HDX: variants seen among roughly 807,000 people sequenced by gnomAD.
HDX encodes the protein chromosome X open reading frame 43.
In HDX, 19 loss-of-function variants were observed where a neutral mutation model predicts 45.2. That is an observed-to-expected ratio of 0.42 (90% CI 0.29 to 0.62). HDX has a LOEUF of 0.62. HDX is among the 20% of genes least tolerant of loss of function. HDX has a pLI of 0.20. For missense variants in HDX, 532 were observed against 493.9 expected (o/e 1.08, Z -0.73); for synonymous variants, 188 against 172.8 (o/e 1.09, Z -0.69).
intron 5 of HDX, among the ~76,000 whole-genome samples, chrX:84,424,429 T>C (rs1307154437): frequency 1.9e-5 from 2 of 107,105 alleles, no homozygotes; most frequent in East Asian, 3.2e-4. Flanking sequence ...AAAATACCAA[T>C]GACATTCCTC....
At chrX:84,477,255 A>C (rs769631245) in intron 2 of HDX, among the ~76,000 whole-genome samples, 108 of 111,612 alleles carry the variant, frequency 9.7e-4, no homozygotes, top group Non-Finnish European at 8.8e-4. Flanking sequence ...TTAATGTACA[A>C]TCAGAGCTCT....
At chrX:84,371,748 T>A (rs961925171) in intron 5 of HDX, among the ~76,000 whole-genome samples, 24 of 111,740 alleles carry the variant, frequency 2.1e-4, no homozygotes, top group Non-Finnish European at 3.0e-4. Flanking sequence ...CATTTGATGC[T>A]TATTGCCTAT....
At chrX:84,496,704 C>T (rs1309061801) in intron 1 of HDX, among the ~76,000 whole-genome samples, 1 of 111,969 alleles carries the variant, frequency 8.9e-6, no homozygotes, top group Non-Finnish European at 1.9e-5. Context: ...TGACTCATTA[C>T]TTTATTAACT....
At chrX:84,415,479 T>G (rs1212855308) in intron 5 of HDX, among the ~76,000 whole-genome samples, 1 of 111,733 alleles carries the variant, frequency 8.9e-6, no homozygotes, top group South Asian at 3.8e-4. Flanking sequence ...AGAGGTACCA[T>G]AATTAGGGAG....
chrX:84,489,172 T>C (rs1036725595), intron 1 of HDX, among the ~76,000 whole-genome samples: 3 of 111,530 alleles, frequency 2.7e-5, no homozygotes, highest in East Asian at 2.8e-4. Flanking sequence ...GGATTACTAC[T>C]GTGCCCTTTT....
At chrX:84,435,477 G>T (rs1337495833) in intron 5 of HDX, among the ~76,000 whole-genome samples, 2 of 110,278 alleles carry the variant, frequency 1.8e-5, no homozygotes, top group Non-Finnish European at 3.8e-5. Flanking sequence ...TGTCAGATGA[G>T]TAGGTTGCGA....
At chrX:84,327,633 T>C (rs1027506917) in intron 9 of HDX, among the ~76,000 whole-genome samples, 7 of 110,993 alleles carry the variant, frequency 6.3e-5, no homozygotes, top group African/African-American at 9.8e-5. Context: ...ATAGACAAAG[T>C]GTAACAAGAC....
intron 5 of HDX, among the ~76,000 whole-genome samples, chrX:84,406,499 CAT>C (rs1233799859): frequency 3.7e-3 from 236 of 62,950 alleles, no homozygotes; most frequent in African/African-American, 0.01. Context: ...CACACACACA[CAT>C]ACACACACAC....
intron 5 of HDX, among the ~76,000 whole-genome samples, chrX:84,386,680 T>TG (rs2147920473): frequency 9.0e-6 from 1 of 111,693 alleles, no homozygotes; most frequent in Non-Finnish European, 1.9e-5. Flanking sequence ...TATATTTCTG[T>TG]GGGATCAGTT....
chrX:84,440,398 T>C, intron 5 of HDX, 134 bp downstream of exon 5: 1 of 466,661 alleles, frequency 2.1e-6, no homozygotes, highest in Non-Finnish European at 3.8e-6. Context: ...TCTTGAAAAA[T>C]GTCCTTTGAG....
intron 2 of HDX, among the ~76,000 whole-genome samples, chrX:84,476,537 T>A (rs1602528390): frequency 2.9e-5 from 1 of 34,894 alleles, no homozygotes; most frequent in East Asian, 5.9e-4. Context: ...AAAAAGAAAC[T>A]CTGTCTCAAA....
intron 5 of HDX, among the ~76,000 whole-genome samples, chrX:84,393,924 G>A (rs1057085185): frequency 1.2e-5 from 1 of 81,164 alleles, no homozygotes; most frequent in Non-Finnish European, 2.4e-5. Flanking sequence ...TTCAGCAAAT[G>A]GTTGATCAAT....
intron 5 of HDX, among the ~76,000 whole-genome samples, chrX:84,409,208 A>C (rs2147979500): frequency 9.0e-6 from 1 of 111,132 alleles, no homozygotes; most frequent in South Asian, 3.9e-4. Context: ...GCGATCATTA[A>C]AAAGTCAGTA....
chrX:84,324,991 A>T (rs1487867488), intron 10 of HDX, among the ~76,000 whole-genome samples: 1 of 111,473 alleles, frequency 9.0e-6, no homozygotes, highest in Non-Finnish European at 1.9e-5. Flanking sequence ...TACATAACTC[A>T]CATAATAAAC....
At chrX:84,386,025 T>G (rs923649541) in intron 5 of HDX, among the ~76,000 whole-genome samples, 8 of 109,844 alleles carry the variant, frequency 7.3e-5, no homozygotes, top group African/African-American at 2.7e-4. Context: ...TTGAGGGATA[T>G]TCCTTCAATA....
chrX:84,384,648 T>G (rs771287023), intron 5 of HDX, among the ~76,000 whole-genome samples: 11 of 110,798 alleles, frequency 9.9e-5, no homozygotes, highest in African/African-American at 3.3e-4. Flanking sequence ...TGTAAGATTT[T>G]TGTAGTTTTC....
chrX:84,460,402 A>G (rs1208560405), intron 4 of HDX, among the ~76,000 whole-genome samples: 2 of 112,424 alleles, frequency 1.8e-5, no homozygotes, highest in African/African-American at 3.2e-5. Flanking sequence ...CAAATTAACC[A>G]ATGTGATACA....
In HDX at chrX:84,361,469, A is replaced by G; in HGVS notation, c.1449T>C (p.Val483=). The G allele has an allele frequency of 6.6e-6, 8 of 1,206,588 alleles. No individual in the cohort carries two copies. Among genetic ancestry groups the G allele is most frequent in the Non-Finnish European group, 9.0e-6 (8 of 891,913 alleles). ...AAAATTATAGAAAATGTCTTACCCG[A>G]ACTATTTCACAGTCAACATTTAATT... is the stretch of plus-strand genomic sequence containing the variant. The part of the protein sequence containing the change: ...ATELNVDCEI[V]RTWIGNRRRK... Residue 483 remains valine, a synonymous_variant, in exon 6 of 11, where the codon GTT becomes GTC. Transcript: ENST00000373177.
At chrX:84,498,862 C>T (rs1360339225) in intron 1 of HDX, among the ~76,000 whole-genome samples, 1 of 85,189 alleles carries the variant, frequency 1.2e-5, no homozygotes, top group African/African-American at 4.3e-5. Context: ...CACACACACA[C>T]ACATCTCAGA....
Sources: allele counts gnomAD v4.1 joint callset (sites outside exome capture counted in the v4.1 genomes callset), GRCh38; gene constraint gnomAD v4.1.1; transcripts MANE v1.5; gene names NCBI Gene and HGNC (gene_info 2026-07-23, HGNC 2026-07-21).